ZFYVE19: variants seen among roughly 807,000 people sequenced by gnomAD.
ZFYVE19 encodes the protein zinc finger FYVE-type containing 19.
A neutral mutation model predicts 62.8 loss-of-function variants in ZFYVE19; 49 were observed. The ratio of observed to expected loss-of-function variants is 0.78; its 90% CI spans 0.62 to 0.99. The LOEUF is 0.99. Among genes scored for constraint, ZFYVE19 ranks in the 50% least tolerant of loss-of-function variants. ZFYVE19 has a pLI of 0.00. For synonymous variants in ZFYVE19, 242 were observed against 234.3 expected (o/e 1.03, Z -0.30); for missense variants, 630 against 601.9 (o/e 1.05, Z -0.49).
At chr15:40,810,348 T>C (rs1890445508) in intron 5 of ZFYVE19, 132 bp downstream of exon 5, 1 of 1,419,772 alleles carries the variant, frequency 7.0e-7, no homozygotes, top group African/African-American at 1.4e-5. Flanking sequence ...AAAACCTCAG[T>C]TACTTTTGCA....
chr15:40,808,865 TG>T, intron 1 of ZFYVE19: 1 of 438,716 alleles, frequency 2.3e-6, no homozygotes, highest in Non-Finnish European at 4.2e-6. Flanking sequence ...TCTACATCCC[TG>T]GGTCAGGGAA....
chr15:40,810,746 GA>G lies in ZFYVE19; in HGVS notation c.816del (p.Gly273GlufsTer61). The G allele has an allele frequency of 6.4e-7, 1 of 1,561,030 alleles. No individual in the cohort carries two copies. The highest frequency in any genetic ancestry group is 8.7e-7 in the Non-Finnish European group (1 of 1,152,162). On this transcript the variant is annotated frameshift_variant, in exon 6 of 11. Transcript: ENST00000355341. LOFTEE classifies it high-confidence loss of function. ...GTGGCTATCGATGAAAGCTGGAAAG[GA>G]GGAGGCCCAGGTAACCCCTCCACTT... Reference protein sequence around the residue: ...AEVAIDESWKGGGPAASLQND... With the variant: ...AEVAIDESWKXGGPAASLQND...
chr15:40,811,111 T>G, intron 6 of ZFYVE19: 1 of 296,970 alleles, frequency 3.4e-6, no homozygotes, highest in South Asian at 3.3e-5. Flanking sequence ...CAATAAGTGC[T>G]TGGGAACATA....
At chr15:40,811,799 A>C (rs1398954455) in intron 6 of ZFYVE19, among the ~76,000 whole-genome samples, 1 of 152,268 alleles carries the variant, frequency 6.6e-6, no homozygotes, top group African/African-American at 2.4e-5. Context: ...AAGGTCACAC[A>C]GCTATTAAGC....
intron 6 of ZFYVE19, 107 bp downstream of exon 6, chr15:40,810,864 C>G: frequency 7.1e-7 from 1 of 1,406,538 alleles, no homozygotes. Context: ...GGAGAGTGAT[C>G]AACGTTATAA....
At position 40,813,396 on chromosome 15, in the gene ZFYVE19, C is replaced by T; in HGVS notation, c.1089C>T (p.Ala363=). 6.2e-7 allele frequency: 1 copy of T among 1,609,638 alleles called. No homozygotes were observed. Among genetic ancestry groups the T allele is most frequent in the Non-Finnish European group, 8.5e-7 (1 of 1,177,970 alleles). Residue 363 remains alanine, a synonymous_variant, in exon 8 of 11, where the codon GCC becomes GCT. Coordinates refer to ENST00000355341, the MANE Select transcript of ZFYVE19 (RefSeq NM_001077268.2). ...ATGACGACGAGGATGAGGAGACAGC[C>T]ATCCAAAGAGTCCTGCAGCAGGTGG... The part of the protein sequence containing the change: ...DSDDDEDEET[A]IQRVLQQLTE...
chr15:40,813,287 ATC>A, intron 7 of ZFYVE19, 49 bp from the exon 8 acceptor site: 1 of 1,571,746 alleles, frequency 6.4e-7, no homozygotes, highest in Non-Finnish European at 8.7e-7. Flanking sequence ...CTCATGTGAA[ATC>A]TCTCACTCTC....
rs752571654 is a variant in ZFYVE19 at position 40,810,175 on chromosome 15, G to A, written c.676G>A (p.Ala226Thr). The A allele has an allele frequency of 1.2e-6, 2 of 1,614,220 alleles. No homozygotes were observed. The highest frequency in any genetic ancestry group is 2.2e-5 in the South Asian group (2 of 91,080). Reference sequence around the variant, plus strand: ...CCAGGAAATGGAGGCACGACTTGCAGCGTTGCAGGGCAGAGTTCTACCTTC... The same window carrying A: ...CCAGGAAATGGAGGCACGACTTGCAACGTTGCAGGGCAGAGTTCTACCTTC... ...STQEMEARLA[A>T]LQGRVLPSQT... Residue 226 changes from alanine to threonine, a missense_variant, in exon 5 of 11, where the codon GCG becomes ACG. By Grantham distance (58) the Ala-to-Thr change is moderately conservative (BLOSUM62 0). Coordinates refer to ENST00000355341, the MANE Select transcript of ZFYVE19 (RefSeq NM_001077268.2).
At position 40,813,426 on chromosome 15, in the gene ZFYVE19, G is replaced by C. The variant is rs1279593157; in HGVS notation, c.1110+9G>C. 2 of 1,594,912 alleles carry C rather than the reference G, an allele frequency of 1.3e-6. No individual in the cohort carries two copies. The highest frequency in any genetic ancestry group is 2.3e-5 in the South Asian group (2 of 88,226). On this transcript the variant is annotated intron_variant, in intron 8 of 10. Transcript: ENST00000355341. ...AAAGAGTCCTGCAGCAGGTGGGCCTGGATTACCCACCTGCCACCCCTTGTC... is the reference window on the plus strand; with the variant it reads ...AAAGAGTCCTGCAGCAGGTGGGCCTCGATTACCCACCTGCCACCCCTTGTC...
In ZFYVE19 at chr15:40,807,299, T is replaced by C. The variant is rs1566834547; in HGVS notation, c.-291T>C. ...GAACCTGGAGAGCGGATGCCAGCAG[T>C]GGCCGAGGCGCTAGGACAGGAAGGA... On this transcript the variant is annotated 5_prime_UTR_variant, in exon 1 of 11. Coordinates refer to ENST00000355341, the MANE Select transcript of ZFYVE19 (RefSeq NM_001077268.2). 6.2e-7 allele frequency: 1 copy of C among 1,613,252 alleles called. No homozygotes were observed.
chr15:40,809,795 G>A, intron 3 of ZFYVE19, 57 bp from the exon 4 acceptor site: 2 of 1,536,456 alleles, frequency 1.3e-6, no homozygotes, highest in Non-Finnish European at 1.8e-6. Context: ...CAGTGAGTGG[G>A]TGCCTTCACT....
intron 5 of ZFYVE19, 31 bp downstream of exon 5, chr15:40,810,247 G>A (rs1475107290): frequency 6.2e-7 from 1 of 1,611,030 alleles, no homozygotes; most frequent in Admixed American, 1.7e-5. Flanking sequence ...GAGAAGCGGG[G>A]GTGCTAGCGG....
At chr15:40,813,630 A>T in intron 8 of ZFYVE19, 83 bp from the exon 9 acceptor site, 5 of 1,339,224 alleles carry the variant, frequency 3.7e-6, no homozygotes, top group Non-Finnish European at 5.1e-6. Flanking sequence ...TTGAGAAGCT[A>T]AGTCCACAGT....
chr15:40,811,204 C>A (rs573193003), intron 6 of ZFYVE19: 22 of 224,352 alleles, frequency 9.8e-5, no homozygotes, highest in African/African-American at 4.8e-4. Context: ...GTAAAACCAG[C>A]CACATCTCAA....
chr15:40,814,582 T>C lies in ZFYVE19; in HGVS notation c.*356T>C, dbSNP rs910683035. On this transcript the variant is annotated 3_prime_UTR_variant, in exon 11 of 11. Coordinates refer to ENST00000355341, the MANE Select transcript of ZFYVE19 (RefSeq NM_001077268.2). ...TTGATTCATTGGGCCCAGCATCTCATTTCTACAACCCTATGAGCCTGGGCC... is the reference window on the plus strand; with the variant it reads ...TTGATTCATTGGGCCCAGCATCTCACTTCTACAACCCTATGAGCCTGGGCC... The C allele has an allele frequency of 1.8e-5, 6 of 329,598 alleles. No individual in the cohort carries two copies. The highest frequency in any genetic ancestry group is 1.3e-4 in the African/African-American group (6 of 46,712). The allele number at this position is 329,598 out of a possible 1,614,324, so 20.4% of individuals were successfully genotyped here. A position where few individuals can be genotyped will look rare whatever the true frequency, so the allele number is the denominator to read the frequency against.
chr15:40,809,781 G>T (rs1259641062), intron 3 of ZFYVE19, 71 bp from the exon 4 acceptor site: 3 of 1,498,750 alleles, frequency 2.0e-6, no homozygotes, highest in Non-Finnish European at 1.9e-6. Context: ...ATTTGAATGG[G>T]AAACAGTGAG....
In ZFYVE19 at chr15:40,807,359, C is replaced by G. The variant is rs1329008324; in HGVS notation, c.-231C>G. ...CTCTCAAGATCAGCCTTCCTCGCCA[C>G]CGTTCTCACCTCTTTGTCCGCTGCC... On this transcript the variant is annotated 5_prime_UTR_variant, in exon 1 of 11. Coordinates refer to ENST00000355341, the MANE Select transcript of ZFYVE19 (RefSeq NM_001077268.2). The G allele has an allele frequency of 6.2e-7, 1 of 1,614,276 alleles. No homozygotes were observed. Among genetic ancestry groups the G allele is most frequent in the Non-Finnish European group, 8.5e-7 (1 of 1,180,042 alleles).
chr15:40,810,233 A>G lies in ZFYVE19; in HGVS notation c.717+17A>G. 1 of 1,613,642 alleles carries G rather than the reference A, an allele frequency of 6.2e-7. No homozygotes were observed. The highest frequency in any genetic ancestry group is 8.5e-7 in the Non-Finnish European group (1 of 1,179,656). On this transcript the variant is annotated intron_variant, in intron 5 of 10. Transcript: ENST00000355341. ...CCCCAGCCGGTGAGTGTTATGGCTT[A>G]GGAGAGAAGCGGGGGTGCTAGCGGG...
At chr15:40,808,137 T>TTTTTTTTTTTTTTTTTGA in intron 1 of ZFYVE19, 3 of 1,496,852 alleles carry the variant, frequency 2.0e-6, no homozygotes, top group Admixed American at 3.4e-5. Context: ...TACTCTTTTC[T>TTTTTTTTTTTTTTTTTGA]GTCGGCCCAG....
Sources: allele counts gnomAD v4.1 joint callset (sites outside exome capture counted in the v4.1 genomes callset), GRCh38; gene constraint gnomAD v4.1.1; transcripts MANE v1.5; gene names NCBI Gene and HGNC (gene_info 2026-07-23, HGNC 2026-07-21).